PPP3CA: variants seen among roughly 807,000 people sequenced by gnomAD.
PPP3CA encodes the protein protein phosphatase 3 catalytic subunit alpha.
In PPP3CA, 14 loss-of-function variants were observed where a neutral mutation model predicts 66.5. The observed-to-expected ratio is 0.21, with a 90% confidence interval of 0.14 to 0.33. The LOEUF (loss-of-function observed/expected upper bound fraction) is 0.33, where lower values mean the gene tolerates loss of function less well. Among genes scored for constraint, PPP3CA ranks in the 10% least tolerant of loss-of-function variants. PPP3CA has a pLI of 1.00. For missense variants in PPP3CA, 317 were observed against 639.5 expected, an observed-to-expected ratio of 0.50 and a Z score of 5.44; for synonymous variants, 232 against 226.2, an observed-to-expected ratio of 1.03 and a Z score of -0.23.
At chr4:101,114,628 A>G (rs897219532) in intron 2 of PPP3CA, among the ~76,000 whole-genome samples, 1 of 152,078 alleles carries the variant, frequency 6.6e-6, no homozygotes, top group African/African-American at 2.4e-5. Flanking sequence ...GAAAATACAT[A>G]TCTTCTGCCT....
chr4:101,098,276 TAA>T lies in PPP3CA; in HGVS notation c.642+89_642+90del, dbSNP rs993043174. ...TTTAAATTATTTGAACTCAAAAGAA[TAA>T]AGTCAGTGATAAAGGCAGGGTAATT... On this transcript the variant is annotated intron_variant, in intron 5 of 13. Coordinates refer to ENST00000394854, the MANE Select transcript of PPP3CA (RefSeq NM_000944.5). 8.9e-6 allele frequency: 12 copies of T among 1,341,674 alleles called. No individual in the cohort carries two copies. In the African/African-American group the frequency reaches 9.1e-5, roughly 10 times the overall value. 83.1% of individuals were successfully genotyped at this position (1,341,674 alleles called of 1,614,324 possible).
chr4:101,095,377 G>C (rs1411411541), intron 5 of PPP3CA, among the ~76,000 whole-genome samples: 2 of 152,124 alleles, frequency 1.3e-5, no homozygotes, highest in Middle Eastern at 3.4e-3. Flanking sequence ...AGTATACAGT[G>C]CATTCTAAAA....
At position 101,108,969 on chromosome 4, in the gene PPP3CA, C is replaced by T; in HGVS notation, c.369G>A (p.Gly123=). ...YLFLGDYVDR[G]YFSIECVLYL... The stretch of plus-strand genomic sequence containing the variant: ...GTAGACTTACTTCAATACTGAAGTA[C>T]CCTCTGTCAACATAGTCCCCTAAGA... Residue 123 remains glycine, a synonymous_variant, in exon 3 of 14, where the codon GGG becomes GGA. Coordinates refer to ENST00000394854, the MANE Select transcript of PPP3CA (RefSeq NM_000944.5). 1 of 1,613,500 alleles carries T rather than the reference C, an allele frequency of 6.2e-7. No homozygotes were observed. Among genetic ancestry groups the T allele is most frequent in the Non-Finnish European group, 8.5e-7 (1 of 1,179,608 alleles).
intron 3 of PPP3CA, chr4:101,107,947 A>T (rs1487414002): frequency 2.0e-5 from 3 of 152,186 alleles, no homozygotes; most frequent in African/African-American, 7.2e-5. Context: ...ATTCTTTAAA[A>T]CTTATTCAAT....
rs1730012270 is a variant in PPP3CA, at chr4:101,346,681, A to T, written c.58+58T>A. 6 of 1,490,188 alleles carry T rather than the reference A, an allele frequency of 4.0e-6. No homozygotes were observed. In the Admixed American group the frequency reaches 1.1e-4, roughly 27 times the overall value. The allele number at this position is 1,490,188 out of a possible 1,614,324, so 92.3% of individuals were successfully genotyped here. On this transcript the variant is annotated intron_variant, in intron 1 of 13. Coordinates refer to ENST00000394854, the MANE Select transcript of PPP3CA (RefSeq NM_000944.5). ...AGGGGAGGAAAGGCGAGGCGAGGCA[A>T]GCTGCCCTGGCGCCTGCGGCACACG...
chr4:101,340,244 C>T (rs987832287), intron 1 of PPP3CA, among the ~76,000 whole-genome samples: 3 of 151,978 alleles, frequency 2.0e-5, no homozygotes, highest in African/African-American at 4.8e-5. Flanking sequence ...ACAGGTAGAC[C>T]ATTTTTTAAA....
chr4:101,080,650 A>T (rs1466363974), intron 7 of PPP3CA, 24 bp from the exon 8 acceptor site: 1 of 1,348,856 alleles, frequency 7.4e-7, no homozygotes. Flanking sequence ...ATACAGTCAA[A>T]ACAAAGCTTG....
chr4:101,214,356 A>AATG (rs1265429241), intron 1 of PPP3CA, among the ~76,000 whole-genome samples: 1 of 152,064 alleles, frequency 6.6e-6, no homozygotes, highest in African/African-American at 2.4e-5. Context: ...TAATAATAAT[A>AATG]ATATAAAAAC....
At chr4:101,234,518 C>A (rs969299618) in intron 1 of PPP3CA, among the ~76,000 whole-genome samples, 3 of 151,250 alleles carry the variant, frequency 2.0e-5, no homozygotes, top group South Asian at 2.1e-4. Flanking sequence ...TGCTTGTTGG[C>A]TACATGTATG....
rs533401086 is a variant in PPP3CA, at chr4:101,326,454, T to C, written c.58+20285A>G. On this transcript the variant is annotated intron_variant, in intron 1 of 13. Coordinates refer to ENST00000394854, the MANE Select transcript of PPP3CA (RefSeq NM_000944.5). Reference sequence around the variant, plus strand: ...GTAGGTCACATCATAATGATAAATTTAATTTTAATCCAAATAGCTCCAATT... The same window carrying C: ...GTAGGTCACATCATAATGATAAATTCAATTTTAATCCAAATAGCTCCAATT... Among the ~76,000 whole-genome samples, 6 of 152,292 alleles carry C rather than the reference T, an allele frequency of 3.9e-5. No homozygotes were observed. In the East Asian group the frequency reaches 1.2e-3, roughly 29 times the overall value.
intron 1 of PPP3CA, among the ~76,000 whole-genome samples, chr4:101,252,196 T>A (rs1441738850): frequency 6.6e-6 from 1 of 152,158 alleles, no homozygotes; most frequent in Non-Finnish European, 1.5e-5. Flanking sequence ...AAACTCTAGT[T>A]TGATTCTAAA....
intron 2 of PPP3CA, among the ~76,000 whole-genome samples, chr4:101,189,687 C>CAA (rs554383258): frequency 0.17 from 11,894 of 70,718 alleles, 822 homozygotes; most frequent in African/African-American, 0.29. Flanking sequence ...TAGTGAACGG[C>CAA]AAAAAAAAAA....
chr4:101,207,892 T>C (rs1434105830), intron 1 of PPP3CA, among the ~76,000 whole-genome samples: 1 of 151,734 alleles, frequency 6.6e-6, no homozygotes. Context: ...AGCACATATA[T>C]AATGGCAAGC....
rs144818981 is a variant in PPP3CA at position 101,309,425 on chromosome 4, C to T, written c.58+37314G>A. ...AGAGGTGGCAGCCAGGCTTCTAAAGCAGTTATGTTGTGATGTAGGTTTCAT... is the reference window on the plus strand; with the variant it reads ...AGAGGTGGCAGCCAGGCTTCTAAAGTAGTTATGTTGTGATGTAGGTTTCAT... On this transcript the variant is annotated intron_variant, in intron 1 of 13. Coordinates refer to ENST00000394854, the MANE Select transcript of PPP3CA (RefSeq NM_000944.5). Among the ~76,000 whole-genome samples, 231 of 151,804 alleles carry T rather than the reference C, an allele frequency of 1.5e-3. 1 individual carries two copies. The highest frequency in any genetic ancestry group is 5.3e-3 in the African/African-American group (219 of 41,366).
intron 1 of PPP3CA, among the ~76,000 whole-genome samples, chr4:101,286,737 A>C (rs1727857591): frequency 6.6e-6 from 1 of 152,200 alleles, no homozygotes; most frequent in African/African-American, 2.4e-5. Context: ...ATGCTATAAA[A>C]AATTAAGTAT....
intron 2 of PPP3CA, among the ~76,000 whole-genome samples, chr4:101,163,550 C>T (rs1037999481): frequency 1.2e-4 from 19 of 152,232 alleles, no homozygotes; most frequent in South Asian, 1.0e-3. Flanking sequence ...TTCTTATTCC[C>T]ACCCTTTCTT....
chr4:101,064,342 T>G (rs1042458623), intron 8 of PPP3CA, among the ~76,000 whole-genome samples: 4 of 151,958 alleles, frequency 2.6e-5, no homozygotes, highest in African/African-American at 9.7e-5. Flanking sequence ...CATTTCATAT[T>G]TAATATTTAA....
chr4:101,211,885 T>A (rs1725309778), intron 1 of PPP3CA, among the ~76,000 whole-genome samples: 1 of 152,168 alleles, frequency 6.6e-6, no homozygotes, highest in South Asian at 2.1e-4. Flanking sequence ...TTTATCTAAT[T>A]GCCTATCTTC....
intron 2 of PPP3CA, among the ~76,000 whole-genome samples, chr4:101,120,054 A>C (rs1321396278): frequency 1.3e-5 from 2 of 152,118 alleles, no homozygotes; most frequent in African/African-American, 2.4e-5. Context: ...AAATCTGTTA[A>C]GAAAAAGTGT....
Sources: gnomAD v4.1 joint callset for allele counts (sites outside exome capture counted in the v4.1 genomes callset) on GRCh38, gnomAD v4.1.1 for gene constraint, MANE v1.5 for transcripts, NCBI Gene and HGNC (gene_info 2026-07-23, HGNC 2026-07-21) for gene names.